PRKCE: variants seen among roughly 807,000 people sequenced by gnomAD.
PRKCE encodes the protein protein kinase C epsilon, also known as protein kinase C epsilon type.
A neutral mutation model predicts 85.4 loss-of-function variants in PRKCE; 16 were observed. That is an observed-to-expected ratio of 0.19 (90% confidence interval 0.13 to 0.28). The LOEUF (loss-of-function observed/expected upper bound fraction) is 0.28. Among genes scored for constraint, PRKCE ranks in the 10% least tolerant of loss-of-function variants. PRKCE has a pLI of 1.00. For synonymous variants in PRKCE, 388 were observed against 371.5 expected (o/e 1.04, Z -0.51); for missense variants, 573 against 975.2 (o/e 0.59, Z 5.49).
At chr2:45,832,262 G>C (rs1170552493) in intron 1 of PRKCE, among the ~76,000 whole-genome samples, 3 of 151,980 alleles carry the variant, frequency 2.0e-5, no homozygotes, top group Non-Finnish European at 4.4e-5. Context: ...ATGAGCTCCA[G>C]GAGGACAATG....
intron 1 of PRKCE, among the ~76,000 whole-genome samples, chr2:45,716,774 A>G (rs1305596003): frequency 1.3e-5 from 2 of 152,114 alleles, no homozygotes; most frequent in East Asian, 1.9e-4. Flanking sequence ...TTTATAAAGA[A>G]TAGAGGTTTA....
intron 10 of PRKCE, among the ~76,000 whole-genome samples, chr2:46,046,765 A>G (rs1467286997): frequency 6.6e-6 from 1 of 152,186 alleles, no homozygotes; most frequent in Non-Finnish European, 1.5e-5. Context: ...CCCCTTCAGG[A>G]ATCCTCTTGA....
chr2:45,974,343 G>A (rs1221933436), intron 2 of PRKCE, among the ~76,000 whole-genome samples: 1 of 152,172 alleles, frequency 6.6e-6, no homozygotes, highest in East Asian at 1.9e-4. Context: ...GTTGGAGCAG[G>A]GTAGGAGGTG....
chr2:46,012,165 A>G (rs936572568), intron 10 of PRKCE, among the ~76,000 whole-genome samples: 1 of 152,196 alleles, frequency 6.6e-6, no homozygotes, highest in African/African-American at 2.4e-5. Context: ...GAAATGTATC[A>G]TATTTTGTAT....
At chr2:46,014,723 C>G (rs1705978824) in intron 10 of PRKCE, among the ~76,000 whole-genome samples, 1 of 152,134 alleles carries the variant, frequency 6.6e-6, no homozygotes, top group Non-Finnish European at 1.5e-5. Flanking sequence ...TGAACTCATG[C>G]CAATTACTGC....
chr2:46,009,808 G>T (rs1312469113), intron 9 of PRKCE, among the ~76,000 whole-genome samples: 1 of 152,184 alleles, frequency 6.6e-6, no homozygotes, highest in East Asian at 1.9e-4. Context: ...ATAAGCAACC[G>T]TGATAATAAT....
intron 10 of PRKCE, among the ~76,000 whole-genome samples, chr2:46,048,917 C>A (rs986263863): frequency 2.6e-5 from 4 of 152,244 alleles, no homozygotes; most frequent in South Asian, 4.1e-4. Flanking sequence ...GTATGGGGCA[C>A]CAGTCATGTG....
intron 11 of PRKCE, among the ~76,000 whole-genome samples, chr2:46,092,285 C>G (rs928345613): frequency 1.3e-5 from 2 of 152,200 alleles, no homozygotes; most frequent in African/African-American, 4.8e-5. Flanking sequence ...AAAATTTGGT[C>G]TTTATCCACC....
At chr2:45,813,861 A>G (rs1477800217) in intron 1 of PRKCE, among the ~76,000 whole-genome samples, 1 of 152,214 alleles carries the variant, frequency 6.6e-6, no homozygotes, top group Non-Finnish European at 1.5e-5. Context: ...TCCAGATTGC[A>G]TCTGTTCTCT....
chr2:45,820,229 G>A (rs1483777576), intron 1 of PRKCE, among the ~76,000 whole-genome samples: 1 of 152,082 alleles, frequency 6.6e-6, no homozygotes, highest in Non-Finnish European at 1.5e-5. Context: ...AATGTTCTAT[G>A]TGCTCCTGGA....
chr2:45,817,081 G>GTGTGTT (rs1689115909), intron 1 of PRKCE, among the ~76,000 whole-genome samples: 1 of 150,474 alleles, frequency 6.6e-6, no homozygotes, highest in African/African-American at 2.4e-5. Context: ...GTGTGTGTGT[G>GTGTGTT]TGTGTGTGTG....
chr2:46,077,204 A>AAATAAT (rs539685237), intron 10 of PRKCE, among the ~76,000 whole-genome samples: 1 of 151,636 alleles, frequency 6.6e-6, no homozygotes, highest in Non-Finnish European at 1.5e-5. Flanking sequence ...CGCACACCCA[A>AAATAAT]AATAATAATA....
In PRKCE at chr2:46,159,902, A is replaced by C; in HGVS notation, c.2067+150A>C. On this transcript the variant is annotated intron_variant, in intron 14 of 14. Coordinates refer to ENST00000306156, the MANE Select transcript of PRKCE (RefSeq NM_005400.3). The surrounding 1 kb of genome is among the most constrained non-coding windows in gnomAD (Gnocchi z 4.1). Reference sequence around the variant, plus strand: ...AGGTGGCTGAGGCTCTCCCTAAGACAATGTCTTTAGGCCCCAAGTGTTTAC... The same window carrying C: ...AGGTGGCTGAGGCTCTCCCTAAGACCATGTCTTTAGGCCCCAAGTGTTTAC... The C allele has an allele frequency of 1.0e-6, 1 of 956,928 alleles. No individual in the cohort carries two copies. Among genetic ancestry groups the C allele is most frequent in the East Asian group, 2.8e-5 (1 of 35,110 alleles). 59.3% of individuals were successfully genotyped at this position (956,928 alleles called of 1,614,324 possible).
At chr2:45,799,937 G>A (rs1027433419) in intron 1 of PRKCE, among the ~76,000 whole-genome samples, 2 of 152,218 alleles carry the variant, frequency 1.3e-5, no homozygotes, top group African/African-American at 4.8e-5. Flanking sequence ...GCATCTGAAT[G>A]TCTGGACTTC....
intron 2 of PRKCE, among the ~76,000 whole-genome samples, chr2:45,916,944 C>G (rs1697833759): frequency 6.6e-6 from 1 of 152,070 alleles, no homozygotes; most frequent in Non-Finnish European, 1.5e-5. Flanking sequence ...GCAGACCTTC[C>G]CAGTGTTACA....
intron 11 of PRKCE, among the ~76,000 whole-genome samples, chr2:46,131,630 A>G (rs1005127708): frequency 1.3e-5 from 2 of 152,220 alleles, no homozygotes; most frequent in African/African-American, 2.4e-5. Context: ...CCTCAGGGAC[A>G]GCCTAGGATT....
chr2:46,011,036 A>G (rs1004030173), intron 10 of PRKCE: 48 of 1,019,016 alleles, frequency 4.7e-5, no homozygotes, highest in Non-Finnish European at 5.9e-5. Flanking sequence ...TGGGAACCAG[A>G]AGGTGGCAGT....
intron 11 of PRKCE, among the ~76,000 whole-genome samples, chr2:46,100,818 C>G (rs867450336): frequency 2.0e-5 from 3 of 152,142 alleles, no homozygotes; most frequent in African/African-American, 7.2e-5. Flanking sequence ...CATTCTGTCT[C>G]TAGCTTCTTT....
At chr2:45,818,683 C>T (rs1000703348) in intron 1 of PRKCE, among the ~76,000 whole-genome samples, 2 of 152,234 alleles carry the variant, frequency 1.3e-5, no homozygotes, top group Non-Finnish European at 2.9e-5. Flanking sequence ...AAAGGAGCCT[C>T]TGGCTTCGGG....
Sources: allele counts gnomAD v4.1 joint callset (sites outside exome capture counted in the v4.1 genomes callset), GRCh38; gene constraint gnomAD v4.1.1; non-coding constraint Gnocchi (gnomAD v3.1); transcripts MANE v1.5; gene names NCBI Gene and HGNC (gene_info 2026-07-23, HGNC 2026-07-21).